The following FAM20C variants were observed in gnomAD, a reference collection of about 807,000 sequenced individuals.
The protein encoded by FAM20C is extracellular serine/threonine protein kinase FAM20C.
Under a neutral mutation model 51.5 loss-of-function variants are expected in FAM20C, and 40 were observed. That is an observed-to-expected ratio of 0.78 (90% CI 0.60 to 1.01). The LOEUF (loss-of-function observed/expected upper bound fraction) is 1.01, where lower values mean the gene tolerates loss of function less well. FAM20C is among the 50% of genes least tolerant of loss of function. The pLI, the probability that FAM20C is intolerant of heterozygous loss-of-function variation, is 0.00. For synonymous variants in FAM20C, 406 were observed against 380.6 expected (o/e 1.07, Z -0.78); for missense variants, 861 against 844.7 (o/e 1.02, Z -0.24).
chr7:245,708 C>T (rs1788125054), intron 3 of FAM20C, among the ~76,000 whole-genome samples: 1 of 152,242 alleles, frequency 6.6e-6, no homozygotes, highest in African/African-American at 2.4e-5. Context: ...ACCGGCACCT[C>T]ACAGGGCCCT....
At chr7:199,904 A>G (rs2115048347) in intron 2 of FAM20C, among the ~76,000 whole-genome samples, 1 of 152,348 alleles carries the variant, frequency 6.6e-6, no homozygotes, top group Non-Finnish European at 1.5e-5. Context: ...TCTGGACTGA[A>G]ATACAGACTT....
chr7:193,349 G>A lies in FAM20C; in HGVS notation c.150G>A (p.Gln50=). The A allele has an allele frequency of 3.1e-6, 4 of 1,284,834 alleles. No homozygotes were observed. The highest frequency in any genetic ancestry group is 3.9e-6 in the Non-Finnish European group (4 of 1,015,098). The allele number at this position is 1,284,834 out of a possible 1,614,324, so 79.6% of individuals were successfully genotyped here. A position where few individuals can be genotyped will look rare whatever the true frequency, so the allele number is the denominator to read the frequency against. ...PSGEPGCSCA[Q]PAAEVAAPGW... is the part of the protein sequence containing the mutation. Reference sequence around the variant, plus strand: ...GGGAGCCCGGCTGTTCGTGCGCGCAGCCCGCCGCCGAGGTGGCCGCGCCCG... The same window carrying A: ...GGGAGCCCGGCTGTTCGTGCGCGCAACCCGCCGCCGAGGTGGCCGCGCCCG... The change falls in exon 1 of 10, where the codon CAG becomes CAA. Residue 50 remains glutamine (Q), a synonymous_variant. Coordinates refer to ENST00000313766, the MANE Select transcript of FAM20C (RefSeq NM_020223.4).
chr7:256,496 C>G (rs1486773795), intron 6 of FAM20C, 158 bp from the exon 7 acceptor site: 5 of 651,456 alleles, frequency 7.7e-6, no homozygotes, highest in Non-Finnish European at 1.3e-5. Flanking sequence ...CTCCCACACC[C>G]GTGCTCCCGC....
intron 2 of FAM20C, among the ~76,000 whole-genome samples, chr7:203,824 G>A (rs1583283754): frequency 1.3e-5 from 2 of 152,188 alleles, no homozygotes; most frequent in African/African-American, 2.4e-5. Flanking sequence ...TACAAACCGG[G>A]ATTACAAGCC....
At chr7:255,811 T>C in intron 5 of FAM20C, 38 bp from the exon 6 acceptor site, 1 of 1,535,384 alleles carries the variant, frequency 6.5e-7, no homozygotes. Context: ...GACGCAGCCC[T>C]GTGCGGCCCT....
intron 2 of FAM20C, among the ~76,000 whole-genome samples, chr7:198,257 C>T: frequency 6.6e-6 from 1 of 152,184 alleles, no homozygotes; most frequent in Admixed American, 6.5e-5. Flanking sequence ...GGCTCTGGCC[C>T]AGGAGATCTG....
chr7:200,211 C>A (rs1056646302), intron 2 of FAM20C, among the ~76,000 whole-genome samples: 1 of 152,214 alleles, frequency 6.6e-6, no homozygotes, highest in African/African-American at 2.4e-5. Context: ...AGAAAGGCCA[C>A]TGTTCCCCCT....
chr7:249,005 GCCA>G (rs1186452191), intron 5 of FAM20C, among the ~76,000 whole-genome samples: 1 of 152,244 alleles, frequency 6.6e-6, no homozygotes, highest in African/African-American at 2.4e-5. Flanking sequence ...GCTTCAAGGT[GCCA>G]CCATCAGGGT....
chr7:252,024 T>A (rs142626766), intron 5 of FAM20C, among the ~76,000 whole-genome samples: 2 of 152,356 alleles, frequency 1.3e-5, no homozygotes, highest in East Asian at 3.9e-4. Context: ...AGCATTTGAC[T>A]TTCTCTCAAG....
intron 3 of FAM20C, among the ~76,000 whole-genome samples, chr7:222,195 G>A (rs552925342): frequency 1.3e-5 from 2 of 152,174 alleles, no homozygotes; most frequent in East Asian, 1.9e-4. Context: ...GGAGGTCCAG[G>A]GCAGCTGTGC....
At position 195,273 on chromosome 7, in the gene FAM20C, G is replaced by T. The variant is rs1785799110; in HGVS notation, c.606-281G>T. On this transcript the variant is annotated intron_variant, in intron 1 of 9. Coordinates refer to ENST00000313766, the MANE Select transcript of FAM20C (RefSeq NM_020223.4). ...GTGGCGGGGATGGCAGGGCAGCGCT[G>T]ACGTCCTGGAATTAGTTTTGCTGTA... The T allele has an allele frequency of 8.2e-6, 3 of 364,976 alleles. No homozygotes were observed. In the South Asian group the frequency reaches 3.6e-4, roughly 44 times the overall value. The allele number at this position is 364,976 out of a possible 1,614,324, so 22.6% of individuals were successfully genotyped here. A position where few individuals can be genotyped will look rare whatever the true frequency, so the allele number is the denominator to read the frequency against.
At chr7:253,339 C>T (rs559609557) in intron 5 of FAM20C, among the ~76,000 whole-genome samples, 9 of 152,268 alleles carry the variant, frequency 5.9e-5, no homozygotes, top group Admixed American at 2.0e-4. Context: ...ACGCTTGAGC[C>T]GCAGGGTGAA....
chr7:247,671 T>G (rs569341529), intron 4 of FAM20C, among the ~76,000 whole-genome samples: 2 of 140,018 alleles, frequency 1.4e-5, no homozygotes, highest in Non-Finnish European at 3.0e-5. Flanking sequence ...AAAAGGGCTT[T>G]TTATGAAAAG....
chr7:217,576 C>G (rs1206535547), intron 3 of FAM20C, among the ~76,000 whole-genome samples: 1 of 152,126 alleles, frequency 6.6e-6, no homozygotes, highest in Non-Finnish European at 1.5e-5. Flanking sequence ...CAGACAGCTG[C>G]CTGGTGCAGG....
chr7:244,419 G>A (rs377710006), intron 3 of FAM20C, among the ~76,000 whole-genome samples: 108 of 152,302 alleles, frequency 7.1e-4, no homozygotes, highest in Middle Eastern at 3.4e-3. Context: ...TGACTGCAGC[G>A]GACCATTTGG....
At chr7:217,175 C>T (rs1266878000) in intron 3 of FAM20C, among the ~76,000 whole-genome samples, 1 of 152,160 alleles carries the variant, frequency 6.6e-6, no homozygotes, top group African/African-American at 2.4e-5. Flanking sequence ...CCCAGGTGCC[C>T]TGGGGCTGCT....
chr7:199,797 T>C (rs74868620), intron 2 of FAM20C, among the ~76,000 whole-genome samples: 10,791 of 152,246 alleles, frequency 0.071, 542 homozygotes, highest in East Asian at 0.23. Context: ...ATGCAGTGCC[T>C]TGGGCTGGGG....
At chr7:257,831 TGGGCA>T (rs1788657811) in intron 8 of FAM20C, among the ~76,000 whole-genome samples, 6 of 115,252 alleles carry the variant, frequency 5.2e-5, no homozygotes, top group African/African-American at 1.8e-4. Flanking sequence ...GTGCTGGAGA[TGGGCA>T]GGGTGGACCC....
At chr7:228,549 G>A (rs1431334514) in intron 3 of FAM20C, 16 of 456,070 alleles carry the variant, frequency 3.5e-5, no homozygotes, top group Non-Finnish European at 7.1e-5. Context: ...AGGGTGGAAG[G>A]GGAGACGCCC....
Sources: allele counts gnomAD v4.1 joint callset (sites outside exome capture counted in the v4.1 genomes callset), GRCh38; gene constraint gnomAD v4.1.1; transcripts MANE v1.5; gene names NCBI Gene and HGNC (gene_info 2026-07-23, HGNC 2026-07-21).